ATG7: variants seen among roughly 807,000 people sequenced by gnomAD.
ATG7 encodes the protein autophagy related 7.
A neutral mutation model predicts 82.4 loss-of-function variants in ATG7; 70 were observed. That is an observed-to-expected ratio of 0.85 (90% confidence interval 0.70 to 1.04). The LOEUF is 1.04. Among genes scored for constraint, ATG7 ranks in the 50% least tolerant of loss-of-function variants. ATG7 has a pLI of 0.00. For missense variants in ATG7, 792 were observed against 864.3 expected (o/e 0.92, Z 1.05); for synonymous variants, 287 against 313.0 (o/e 0.92, Z 0.88).
chr3:11,403,096 A>G lies in ATG7; in HGVS notation c.1956+23044A>G, dbSNP rs7652371. ...TACCATTTATAAATATGTTGATGCT[A>G]TGGATCTAAATTTGTGTTTCTTAAA... On this transcript the variant is annotated intron_variant, in intron 19 of 20. Coordinates refer to ENST00000693202, the MANE Select transcript of ATG7 (RefSeq NM_001349232.2). Among the ~76,000 whole-genome samples the G allele has an allele frequency of 2.1e-3, 325 of 152,318 alleles. 1 individual carries two copies. Among genetic ancestry groups the G allele is most frequent in the African/African-American group, 7.5e-3 (310 of 41,558 alleles).
chr3:11,509,218 A>G (rs561934456), intron 20 of ATG7, among the ~76,000 whole-genome samples: 3 of 152,294 alleles, frequency 2.0e-5, no homozygotes, highest in African/African-American at 7.2e-5. Context: ...GCTTATAAAC[A>G]TAGAGTTTGA....
At position 11,315,460 on chromosome 3, in the gene ATG7, C is replaced by G. The variant is rs781483652; in HGVS notation, c.645C>G (p.His215Gln). ...TGGTGCTGGTTTCCTTGCTTAAACA[C>G]TACAGTGATTTCTTCCAAGGTCAAA... The part of the protein sequence containing the change: ...ENMVLVSLLK[H>Q]YSDFFQGQRT... The change falls in exon 9 of 21, where the codon CAC becomes CAG. Residue 215 changes from histidine to glutamine, a missense_variant. His to Gln is a conservative substitution (Grantham distance 24, BLOSUM62 0). Coordinates refer to ENST00000693202, the MANE Select transcript of ATG7 (RefSeq NM_001349232.2). 2 of 1,608,264 alleles carry G rather than the reference C, an allele frequency of 1.2e-6. No individual in the cohort carries two copies. Among genetic ancestry groups the G allele is most frequent in the Admixed American group, 1.7e-5 (1 of 59,010 alleles).
chr3:11,525,079 T>C lies in ATG7; in HGVS notation c.2080-29732T>C, dbSNP rs186601751. Among the ~76,000 whole-genome samples the C allele has an allele frequency of 8.2e-3, 1,234 of 150,526 alleles. 21 individuals carry two copies. Among genetic ancestry groups the C allele is most frequent in the African/African-American group, 0.028 (1,102 of 40,014 alleles). ...TATTTTTGAGACTGGCTCTGTCACCTAGGCTGGAGTGCAGTGGCGCGATCT... is the reference window on the plus strand; with the variant it reads ...TATTTTTGAGACTGGCTCTGTCACCCAGGCTGGAGTGCAGTGGCGCGATCT... On this transcript the variant is annotated intron_variant, in intron 20 of 20. Transcript: ENST00000693202.
At chr3:11,540,909 GGGGGGGGA>G (rs2070760775) in intron 20 of ATG7, among the ~76,000 whole-genome samples, 4 of 128,486 alleles carry the variant, frequency 3.1e-5, no homozygotes, top group Admixed American at 7.9e-5. Context: ...GCTTTTTTTG[GGGGGGGGA>G]GGGGGGGAGT....
At chr3:11,436,708 C>A (rs2083401737) in intron 20 of ATG7, among the ~76,000 whole-genome samples, 1 of 152,158 alleles carries the variant, frequency 6.6e-6, no homozygotes, top group Non-Finnish European at 1.5e-5. Context: ...AGCTATTACG[C>A]TGGAATAATG....
intron 20 of ATG7, among the ~76,000 whole-genome samples, chr3:11,478,989 A>AACACACACAAACACACAAACACAC (rs766632953): frequency 1.4e-4 from 10 of 73,132 alleles, no homozygotes; most frequent in African/African-American, 2.3e-4. Flanking sequence ...GTATATTTAC[A>AACACACACAAACACACAAACACAC]ACACACACAC....
At chr3:11,430,261 A>G (rs1171844108) in intron 20 of ATG7, among the ~76,000 whole-genome samples, 3 of 152,168 alleles carry the variant, frequency 2.0e-5, no homozygotes, top group African/African-American at 7.2e-5. Flanking sequence ...TTCTAACTAC[A>G]TCATTTTCTA....
chr3:11,285,567 C>A (rs981400812), intron 3 of ATG7, among the ~76,000 whole-genome samples: 1 of 152,070 alleles, frequency 6.6e-6, no homozygotes, highest in Non-Finnish European at 1.5e-5. Flanking sequence ...TGCCTTGTAA[C>A]CACCACCCAG....
chr3:11,376,205 ATTGCTGGG>A (rs1451057681), intron 18 of ATG7, among the ~76,000 whole-genome samples: 3 of 152,170 alleles, frequency 2.0e-5, no homozygotes, highest in African/African-American at 7.2e-5. Context: ...ATGAGGACTA[ATTGCTGGG>A]TTTCTTTTGG....
At chr3:11,298,423 G>C (rs1946281302) in intron 3 of ATG7, among the ~76,000 whole-genome samples, 1 of 152,182 alleles carries the variant, frequency 6.6e-6, no homozygotes, top group South Asian at 2.1e-4. Context: ...AGTTTTGCAA[G>C]ATGAAAAAGT....
intron 3 of ATG7, among the ~76,000 whole-genome samples, chr3:11,295,784 CTTTCT>C (rs1306291858): frequency 5.5e-5 from 5 of 90,298 alleles, no homozygotes; most frequent in African/African-American, 1.3e-4. Flanking sequence ...TTCTTTCTTT[CTTTCT>C]TTTTTTTTTT....
the ATG7 span, among the ~76,000 whole-genome samples, chr3:11,572,797 T>A: frequency 6.6e-6 from 1 of 152,174 alleles, no homozygotes; most frequent in South Asian, 2.1e-4. Flanking sequence ...TATTCTTCCA[T>A]ACGAATACAC....
Position 11,354,627 on chromosome 3 carries a change from C to A in ATG7, c.1285-3791C>A, listed in dbSNP as rs9853547. ...TCACGCCACTGCACTCCAGTCTGGT[C>A]ACAGAGTGAGACTCCATCTCACCAA... On this transcript the variant is annotated intron_variant, in intron 14 of 20. Coordinates refer to ENST00000693202, the MANE Select transcript of ATG7 (RefSeq NM_001349232.2). Among the ~76,000 whole-genome samples, 16 of 137,754 alleles carry A rather than the reference C, an allele frequency of 1.2e-4. No individual in the cohort carries two copies. The East Asian group carries it at 1.3e-3, about 11-fold the overall frequency. 90.4% of individuals were successfully genotyped at this position (137,754 alleles called of 152,430 possible). A position where few individuals can be genotyped will look rare whatever the true frequency, so the allele number is the denominator to read the frequency against.
chr3:11,407,360 A>T (rs1029677513), intron 19 of ATG7, among the ~76,000 whole-genome samples: 1 of 152,206 alleles, frequency 6.6e-6, no homozygotes, highest in Non-Finnish European at 1.5e-5. Flanking sequence ...TGCAGGGTGC[A>T]GCCTCCCTCC....
In ATG7 at chr3:11,389,816, TG is replaced by T. The variant is rs2078643803; in HGVS notation, c.1956+9765del. ...TCGTCATAAGTCTTGGCAGCTAAGG[TG>T]TCTTTGTAATTGACTCTGGATTCAC... On this transcript the variant is annotated intron_variant, in intron 19 of 20. Coordinates refer to ENST00000693202, the MANE Select transcript of ATG7 (RefSeq NM_001349232.2). 3.9e-5 allele frequency among the ~76,000 whole-genome samples: 6 copies of T among 152,352 alleles called. No homozygotes were observed. The South Asian group carries it at 1.2e-3, about 32-fold the overall frequency.
At chr3:11,468,483 C>T (rs971552161) in intron 20 of ATG7, among the ~76,000 whole-genome samples, 2 of 152,198 alleles carry the variant, frequency 1.3e-5, no homozygotes, top group African/African-American at 4.8e-5. Context: ...AAGTTTTCCA[C>T]AGCTGCTGGG....
the ATG7 span, among the ~76,000 whole-genome samples, chr3:11,575,018 A>G: frequency 1.4e-4 from 22 of 152,178 alleles, no homozygotes; most frequent in African/African-American, 4.6e-4. Context: ...AGATCTTTTC[A>G]TTACTCCTGC....
At chr3:11,359,862 A>G (rs908567929) in intron 15 of ATG7, among the ~76,000 whole-genome samples, 1 of 152,222 alleles carries the variant, frequency 6.6e-6, no homozygotes, top group African/African-American at 2.4e-5. Flanking sequence ...TATAAAAACA[A>G]ATCTATGTGA....
At chr3:11,553,994 AGCCCTGGGTGCCAGGG>A (rs1231114633) in intron 20 of ATG7, among the ~76,000 whole-genome samples, 1 of 152,086 alleles carries the variant, frequency 6.6e-6, no homozygotes, top group Non-Finnish European at 1.5e-5. Context: ...CCCTCCAGGG[AGCCCTGGGTGCCAGGG>A]GCCCTGGGAC....
Sources: gnomAD v4.1 joint callset for allele counts (sites outside exome capture counted in the v4.1 genomes callset) on GRCh38, gnomAD v4.1.1 for gene constraint, MANE v1.5 for transcripts, NCBI Gene and HGNC (gene_info 2026-07-23, HGNC 2026-07-21) for gene names.